Variants in PARM1 observed in about 807,000 individuals in gnomAD.
PARM1 encodes the protein WSC4, cell wall integrity and stress response component 4 homolog.
In PARM1, 14 loss-of-function variants were observed where a neutral mutation model predicts 24.6. That is an observed-to-expected ratio of 0.57 (90% CI 0.38 to 0.89). PARM1 has a LOEUF of 0.89. Ranked by LOEUF, PARM1 falls within the 40% of genes least tolerant of loss-of-function variation. PARM1 has a pLI of 0.00. For synonymous variants in PARM1, 179 were observed against 156.6 expected (o/e 1.14, Z -1.07); for missense variants, 362 against 380.4 (o/e 0.95, Z 0.40).
chr4:74,945,946 C>A (rs1210782595), intron 1 of PARM1, among the ~76,000 whole-genome samples: 1 of 152,156 alleles, frequency 6.6e-6, no homozygotes, highest in African/African-American at 2.4e-5. Context: ...AGGGCTGGAG[C>A]AGAACTGACT....
chr4:74,988,407 G>C (rs1047402767), intron 1 of PARM1, among the ~76,000 whole-genome samples: 1 of 152,192 alleles, frequency 6.6e-6, no homozygotes, highest in Non-Finnish European at 1.5e-5. Context: ...GAGATGGCGC[G>C]TATCAGTATA....
rs543408484 is a variant in PARM1 at position 75,037,977 on chromosome 4, C to T, written c.848+4016C>T. ...TGTCACCCAGGCTGGAGTGCAGTGGCGTGATCTCGGCTCACTGCAACCTCC... is the reference window on the plus strand; with the variant it reads ...TGTCACCCAGGCTGGAGTGCAGTGGTGTGATCTCGGCTCACTGCAACCTCC... On this transcript the variant is annotated intron_variant, in intron 3 of 3. Coordinates refer to ENST00000307428, the MANE Select transcript of PARM1 (RefSeq NM_015393.4). 1.4e-4 allele frequency among the ~76,000 whole-genome samples: 22 copies of T among 152,084 alleles called. No homozygotes were observed. In the East Asian group the frequency reaches 1.6e-3, roughly 11 times the overall value.
chr4:75,032,900 C>T (rs1723299298), intron 2 of PARM1, among the ~76,000 whole-genome samples: 2 of 152,156 alleles, frequency 1.3e-5, no homozygotes, highest in African/African-American at 4.8e-5. Context: ...AGCTTTAGTG[C>T]CGAAAACTCA....
At chr4:74,995,401 AGTATTTTCATGTGCCTG>A (rs1396734167) in intron 1 of PARM1, among the ~76,000 whole-genome samples, 1 of 152,176 alleles carries the variant, frequency 6.6e-6, no homozygotes, top group African/African-American at 2.4e-5. Context: ...ACATTTATTG[AGTATTTTCATGTGCCTG>A]GCACTGTTCT....
chr4:75,041,593 A>G (rs992469565), intron 3 of PARM1, among the ~76,000 whole-genome samples: 1 of 152,202 alleles, frequency 6.6e-6, no homozygotes, highest in African/African-American at 2.4e-5. Flanking sequence ...GAAAAGGGAC[A>G]CTTCACTCAT....
Position 75,013,004 on chromosome 4 carries a change from C to T in PARM1, c.623C>T (p.Ser208Leu), listed in dbSNP as rs778457244. Reference sequence around the variant, plus strand: ...TCCAGCTCTGACCACACACCCACTTCACATGCCACAGCTGAGCCAGTACCC... The same window carrying T: ...TCCAGCTCTGACCACACACCCACTTTACATGCCACAGCTGAGCCAGTACCC... ...EESSSDHTPT[S>L]HATAEPVPQE... The change falls in exon 2 of 4, where the codon TCA becomes TTA. Residue 208 changes from serine (S) to leucine (L), a missense_variant. Ser to Leu is a moderately radical substitution (Grantham distance 145). Coordinates refer to ENST00000307428, the MANE Select transcript of PARM1 (RefSeq NM_015393.4). 1 of 1,614,032 alleles carries T rather than the reference C, an allele frequency of 6.2e-7. No individual in the cohort carries two copies. The highest frequency in any genetic ancestry group is 8.5e-7 in the Non-Finnish European group (1 of 1,179,884).
intron 1 of PARM1, among the ~76,000 whole-genome samples, chr4:74,999,532 T>C (rs1722638214): frequency 6.6e-6 from 1 of 152,204 alleles, no homozygotes; most frequent in Non-Finnish European, 1.5e-5. Flanking sequence ...TGAAATATAT[T>C]AATAAAACAA....
intron 3 of PARM1, among the ~76,000 whole-genome samples, chr4:75,038,714 A>G (rs1280351840): frequency 2.0e-5 from 3 of 152,266 alleles, no homozygotes; most frequent in African/African-American, 4.8e-5. Flanking sequence ...CAACTTTAAA[A>G]GAAAGCAAAG....
rs184241580 is a variant in PARM1, at chr4:74,998,573, T to G, written c.44-13852T>G. Among the ~76,000 whole-genome samples, 13 of 152,356 alleles carry G rather than the reference T, an allele frequency of 8.5e-5. No homozygotes were observed. In the East Asian group the frequency reaches 1.7e-3, roughly 20 times the overall value. ...CATGGCTCCCCACATTGATTTCAAC[T>G]GATTTAGTTCATTATGAGGAACACT... On this transcript the variant is annotated intron_variant, in intron 1 of 3. Coordinates refer to ENST00000307428, the MANE Select transcript of PARM1 (RefSeq NM_015393.4).
intron 1 of PARM1, among the ~76,000 whole-genome samples, chr4:74,979,872 G>A (rs1722214427): frequency 6.6e-6 from 1 of 152,082 alleles, no homozygotes; most frequent in African/African-American, 2.4e-5. Context: ...AAAACCACAT[G>A]ATTATCTCAC....
chr4:74,935,463 A>T (rs1721161123), intron 1 of PARM1, among the ~76,000 whole-genome samples: 1 of 152,198 alleles, frequency 6.6e-6, no homozygotes. Context: ...AAAGAAAAAA[A>T]TAGACGTGTT....
At chr4:74,948,370 C>G (rs1417893779) in intron 1 of PARM1, among the ~76,000 whole-genome samples, 1 of 152,204 alleles carries the variant, frequency 6.6e-6, no homozygotes, top group Non-Finnish European at 1.5e-5. Context: ...TCCAAAGCCT[C>G]TTCAAGCTTG....
chr4:74,994,199 T>G (rs1035598808), intron 1 of PARM1: 17 of 152,154 alleles, frequency 1.1e-4, no homozygotes, highest in Admixed American at 1.3e-4. Context: ...AATTTTTTCC[T>G]GAAAACTCCC....
In PARM1 at chr4:74,967,658, C is replaced by A. The variant is rs1721932533; in HGVS notation, c.43+34288C>A. ...CATAGGCAAACGCATTCTGACTCTT[C>A]CAACTCCATAAATACATTCTGAAAA... is the stretch of plus-strand genomic sequence containing the variant. On this transcript the variant is annotated intron_variant, in intron 1 of 3. Transcript: ENST00000307428. The A allele has an allele frequency of 2.0e-5, 3 of 152,276 alleles. No individual in the cohort carries two copies. The South Asian group carries it at 6.2e-4, about 32-fold the overall frequency. The allele number at this position is 152,276 out of a possible 1,614,324, so 9.4% of individuals were successfully genotyped here. A position where few individuals can be genotyped will look rare whatever the true frequency, so the allele number is the denominator to read the frequency against.
At chr4:75,027,704 A>T (rs1184969336) in intron 2 of PARM1, among the ~76,000 whole-genome samples, 1 of 152,192 alleles carries the variant, frequency 6.6e-6, no homozygotes, top group Non-Finnish European at 1.5e-5. Flanking sequence ...GAACGATCTA[A>T]GGTTGCTGTT....
At chr4:75,036,185 GT>G (rs1723367279) in intron 3 of PARM1, among the ~76,000 whole-genome samples, 2 of 152,200 alleles carry the variant, frequency 1.3e-5, no homozygotes, top group South Asian at 4.1e-4. Flanking sequence ...TCACTGAAGT[GT>G]GGAGTGAAAT....
At chr4:75,025,063 A>C (rs1367892852) in intron 2 of PARM1, among the ~76,000 whole-genome samples, 1 of 152,198 alleles carries the variant, frequency 6.6e-6, no homozygotes, top group Non-Finnish European at 1.5e-5. Context: ...GATAGAGGAG[A>C]GGGTAACAAC....
At chr4:74,936,279 T>G (rs2109978120) in intron 1 of PARM1, among the ~76,000 whole-genome samples, 1 of 152,234 alleles carries the variant, frequency 6.6e-6, no homozygotes, top group African/African-American at 2.4e-5. Context: ...GAGTACTGAT[T>G]CCAGATTAAA....
At chr4:75,025,903 A>G (rs558267037) in intron 2 of PARM1, among the ~76,000 whole-genome samples, 4 of 152,308 alleles carry the variant, frequency 2.6e-5, no homozygotes, top group Non-Finnish European at 5.9e-5. Context: ...ACTAACTAGC[A>G]TGTAGATAAG....
Sources: allele counts gnomAD v4.1 joint callset (sites outside exome capture counted in the v4.1 genomes callset), GRCh38; gene constraint gnomAD v4.1.1; transcripts MANE v1.5; gene names NCBI Gene and HGNC (gene_info 2026-07-23, HGNC 2026-07-21).